The following ATP9A variants were observed in gnomAD, a reference collection of about 807,000 sequenced individuals.
The protein encoded by ATP9A is probable phospholipid-transporting ATPase IIA.
Under a neutral mutation model 144.1 loss-of-function variants are expected in ATP9A, and 52 were observed. The ratio of observed to expected loss-of-function variants is 0.36; its 90% CI spans 0.29 to 0.45. The LOEUF (loss-of-function observed/expected upper bound fraction) is 0.45. Ranked by LOEUF, ATP9A falls within the 20% of genes least tolerant of loss-of-function variation. The pLI is 1.00. For synonymous variants in ATP9A, 582 were observed against 557.4 expected (o/e 1.04, Z -0.62); for missense variants, 947 against 1,392.7 (o/e 0.68, Z 5.09).
chr20:51,606,821 C>T (rs1482863087), intron 26 of ATP9A, among the ~76,000 whole-genome samples: 2 of 151,838 alleles, frequency 1.3e-5, no homozygotes, highest in East Asian at 1.9e-4. Context: ...GAGGCTACGG[C>T]GAGCCGTGAT....
chr20:51,601,118 A>T lies in ATP9A; in HGVS notation c.*93T>A. On this transcript the variant is annotated 3_prime_UTR_variant, in exon 28 of 28. Coordinates refer to ENST00000338821, the MANE Select transcript of ATP9A (RefSeq NM_006045.3). The stretch of plus-strand genomic sequence containing the variant: ...AACTGCATGTGTTAGCAATTACTGC[A>T]AAATCCACAGGTGGCGGTTAATATA... 1 of 1,442,234 alleles carries T rather than the reference A, an allele frequency of 6.9e-7. No individual in the cohort carries two copies. Among genetic ancestry groups the T allele is most frequent in the African/African-American group, 1.4e-5 (1 of 70,136 alleles). 89.3% of individuals were successfully genotyped at this position (1,442,234 alleles called of 1,614,324 possible). A position where few individuals can be genotyped will look rare whatever the true frequency, so the allele number is the denominator to read the frequency against.
intron 2 of ATP9A, among the ~76,000 whole-genome samples, chr20:51,729,505 G>A (rs1444651902): frequency 6.6e-6 from 1 of 152,200 alleles, no homozygotes; most frequent in African/African-American, 2.4e-5. Flanking sequence ...AGCACTTTGA[G>A]AGGCTGAAGT....
At chr20:51,743,277 GTGC>G in intron 1 of ATP9A, among the ~76,000 whole-genome samples, 1 of 152,124 alleles carries the variant, frequency 6.6e-6, no homozygotes, top group East Asian at 1.9e-4. Flanking sequence ...GGTGTTGTGG[GTGC>G]TGCTGTTGTT....
At chr20:51,753,138 A>AT (rs2077839867) in intron 1 of ATP9A, among the ~76,000 whole-genome samples, 1 of 152,112 alleles carries the variant, frequency 6.6e-6, no homozygotes, top group African/African-American at 2.4e-5. Flanking sequence ...AAAGAAAAAG[A>AT]AAACATTACT....
At chr20:51,616,387 C>T (rs956444122) in intron 22 of ATP9A, among the ~76,000 whole-genome samples, 5 of 152,162 alleles carry the variant, frequency 3.3e-5, no homozygotes, top group African/African-American at 2.4e-5. Flanking sequence ...GGCTCAATCT[C>T]GATTCACTGC....
chr20:51,619,068 G>T, intron 19 of ATP9A, 25 bp from the exon 20 acceptor site: 1 of 1,594,516 alleles, frequency 6.3e-7, no homozygotes, highest in Non-Finnish European at 8.6e-7. Context: ...AGATGGGGAA[G>T]GAGGCATTGC....
At chr20:51,742,703 C>T (rs571538296) in intron 1 of ATP9A, among the ~76,000 whole-genome samples, 6 of 152,010 alleles carry the variant, frequency 3.9e-5, no homozygotes, top group African/African-American at 9.7e-5. Context: ...TTAGTAGAGA[C>T]GGCGTTTCAC....
intron 1 of ATP9A, among the ~76,000 whole-genome samples, chr20:51,731,894 G>A (rs945398836): frequency 6.6e-6 from 1 of 152,004 alleles, no homozygotes; most frequent in Non-Finnish European, 1.5e-5. Flanking sequence ...AAAGGAAAAG[G>A]GGGAGCGGGG....
intron 3 of ATP9A, among the ~76,000 whole-genome samples, chr20:51,713,480 C>T (rs1046145724): frequency 2.0e-5 from 3 of 152,180 alleles, no homozygotes; most frequent in Non-Finnish European, 4.4e-5. Flanking sequence ...TCATAACAAC[C>T]CTGAGATATG....
At chr20:51,738,441 C>T (rs1239327241) in intron 1 of ATP9A, among the ~76,000 whole-genome samples, 1 of 152,098 alleles carries the variant, frequency 6.6e-6, no homozygotes, top group Non-Finnish European at 1.5e-5. Context: ...CAGTGACTCA[C>T]GCCTGTAATC....
chr20:51,600,107 G>A lies in ATP9A; in HGVS notation c.*1104C>T, dbSNP rs1246415098. The A allele has an allele frequency of 6.6e-6, 1 of 152,166 alleles. No homozygotes were observed. The highest frequency in any genetic ancestry group is 6.5e-5 in the Admixed American group (1 of 15,282). The allele number at this position is 152,166 out of a possible 1,614,324, so 9.4% of individuals were successfully genotyped here. On this transcript the variant is annotated 3_prime_UTR_variant, in exon 28 of 28. Transcript: ENST00000338821. ...GGAACAGATCCCAGATCCCAACGCTGTAGCTTGGGCGTCCTCCCACCAGGG... is the reference window on the plus strand; with the variant it reads ...GGAACAGATCCCAGATCCCAACGCTATAGCTTGGGCGTCCTCCCACCAGGG...
intron 3 of ATP9A, among the ~76,000 whole-genome samples, chr20:51,717,413 T>C (rs1178879588): frequency 6.6e-6 from 1 of 152,190 alleles, no homozygotes; most frequent in Non-Finnish European, 1.5e-5. Context: ...AAACCCTTTT[T>C]TCTGTAGCTG....
intron 4 of ATP9A, among the ~76,000 whole-genome samples, chr20:51,703,350 G>A (rs949967315): frequency 6.6e-6 from 1 of 152,054 alleles, no homozygotes; most frequent in Non-Finnish European, 1.5e-5. Context: ...CTCCAATATC[G>A]AGGCTCCAAG....
Position 51,627,676 on chromosome 20 carries a change from T to C in ATP9A, c.1769A>G (p.Asn590Ser). The C allele has an allele frequency of 6.2e-7, 1 of 1,614,136 alleles. No individual in the cohort carries two copies. The highest frequency in any genetic ancestry group is 8.5e-7 in the Non-Finnish European group (1 of 1,179,986). The change falls in exon 17 of 28, where the codon AAC becomes AGC. Residue 590 changes from asparagine to serine, a missense_variant. Physicochemically the swap from Asn to Ser is conservative, Grantham distance 46 (BLOSUM62 1). Around this residue, in one of 2 missense-constraint regions of ATP9A, gnomAD observed 770 missense variants for 1,047.9 expected, o/e 0.73. Transcript: ENST00000338821. The stretch of plus-strand genomic sequence containing the variant: ...CACCCGCAGCCCTTCTCGGGCCATG[T>C]TGCCACACTGAAAAATAGACCACGG... Reference protein sequence around the residue: ...YNDWLEEECGNMAREGLRVLV... With the variant: ...YNDWLEEECGSMAREGLRVLV...
At chr20:51,610,252 A>G in intron 23 of ATP9A, 87 bp from the exon 24 acceptor site, 1 of 1,090,418 alleles carries the variant, frequency 9.2e-7, no homozygotes, top group Non-Finnish European at 1.4e-6. Flanking sequence ...TGATACTTAC[A>G]TAACACCCGC....
chr20:51,613,338 T>A (rs755097420), intron 23 of ATP9A, among the ~76,000 whole-genome samples: 2 of 152,206 alleles, frequency 1.3e-5, no homozygotes, highest in Non-Finnish European at 2.9e-5. Flanking sequence ...AAATAACTCA[T>A]GTACACTCCA....
intron 4 of ATP9A, among the ~76,000 whole-genome samples, chr20:51,707,260 A>G (rs912593357): frequency 4.6e-5 from 7 of 152,178 alleles, no homozygotes; most frequent in Non-Finnish European, 1.0e-4. Context: ...ATTGGGTCCC[A>G]CAAATCATGT....
intron 1 of ATP9A, among the ~76,000 whole-genome samples, chr20:51,743,859 T>C (rs1276957444): frequency 1.3e-5 from 2 of 151,408 alleles, no homozygotes; most frequent in African/African-American, 2.4e-5. Context: ...ATACAAAAAT[T>C]AGCTGGATGC....
At chr20:51,640,259 GGA>G (rs1426502924) in intron 14 of ATP9A, among the ~76,000 whole-genome samples, 1 of 152,184 alleles carries the variant, frequency 6.6e-6, no homozygotes, top group Admixed American at 6.5e-5. Context: ...CTGCACTGGG[GGA>G]GTGTCTTCAG....
Sources: allele counts gnomAD v4.1 joint callset (sites outside exome capture counted in the v4.1 genomes callset), GRCh38; gene constraint gnomAD v4.1.1; regional missense constraint gnomAD v4.1.1; transcripts MANE v1.5; gene names NCBI Gene and HGNC (gene_info 2026-07-23, HGNC 2026-07-21).